Variants in MGAT4A observed in about 807,000 individuals in gnomAD.
The protein encoded by MGAT4A is N-acetylglucosaminyltransferase IVa.
In MGAT4A, 33 loss-of-function variants were observed where a neutral mutation model predicts 74.1. That is an observed-to-expected ratio of 0.45 (90% confidence interval 0.34 to 0.60). The LOEUF is 0.60. Among genes scored for constraint, MGAT4A ranks in the 20% least tolerant of loss-of-function variants. The pLI is 0.02. For synonymous variants in MGAT4A, 198 were observed against 210.4 expected (o/e 0.94, Z 0.51); for missense variants, 479 against 628.3 (o/e 0.76, Z 2.54).
intron 14 of MGAT4A, among the ~76,000 whole-genome samples, chr2:98,626,940 G>A (rs1302945459): frequency 6.6e-6 from 1 of 152,166 alleles, no homozygotes; most frequent in Non-Finnish European, 1.5e-5. Flanking sequence ...TGGGGCACAT[G>A]CATCCCTTGG....
intron 4 of MGAT4A, among the ~76,000 whole-genome samples, chr2:98,670,008 T>C (rs1701891513): frequency 1.3e-5 from 2 of 152,194 alleles, no homozygotes; most frequent in South Asian, 4.1e-4. Context: ...AATAAACATT[T>C]GTTATCTCAA....
chr2:98,637,899 C>T (rs888882151), intron 12 of MGAT4A, among the ~76,000 whole-genome samples: 9 of 152,080 alleles, frequency 5.9e-5, no homozygotes, highest in Admixed American at 3.9e-4. Flanking sequence ...ACAGTTACAG[C>T]GGTGGGCCAG....
chr2:98,666,175 T>C (rs1432831218), intron 4 of MGAT4A, among the ~76,000 whole-genome samples: 2 of 152,056 alleles, frequency 1.3e-5, no homozygotes, highest in Non-Finnish European at 2.9e-5. Context: ...GAGGTGGAGA[T>C]GAGTGGATGA....
chr2:98,730,863 T>C, intron 1 of MGAT4A, among the ~76,000 whole-genome samples, 185 bp downstream of exon 1: 1 of 127,616 alleles, frequency 7.8e-6, no homozygotes, highest in African/African-American at 3.0e-5. Flanking sequence ...CGCCAACAGC[T>C]CCCCCGCACA....
At chr2:98,682,041 T>C (rs1291955651) in intron 2 of MGAT4A, among the ~76,000 whole-genome samples, 5 of 151,936 alleles carry the variant, frequency 3.3e-5, no homozygotes, top group African/African-American at 1.2e-4. Flanking sequence ...CAACAATAAA[T>C]AAATAAAAAA....
At chr2:98,636,472 TA>T (rs745891971) in intron 13 of MGAT4A, 44 bp downstream of exon 13, 34 of 1,388,242 alleles carry the variant, frequency 2.4e-5, no homozygotes, top group Non-Finnish European at 3.3e-5. Context: ...CTAAGTCTAC[TA>T]GTATTAGTTG....
chr2:98,668,847 T>C (rs1468160653), intron 4 of MGAT4A, among the ~76,000 whole-genome samples: 1 of 152,232 alleles, frequency 6.6e-6, no homozygotes, highest in Non-Finnish European at 1.5e-5. Flanking sequence ...AGAAATCATT[T>C]TGGAACTTTG....
intron 14 of MGAT4A, among the ~76,000 whole-genome samples, chr2:98,626,284 A>G (rs187389392): frequency 6.6e-6 from 1 of 152,320 alleles, no homozygotes; most frequent in African/African-American, 2.4e-5. Flanking sequence ...GGGACTCAAT[A>G]CAAGTGTATT....
At chr2:98,694,388 G>A (rs142363728) in intron 2 of MGAT4A, 1 of 153,660 alleles carries the variant, frequency 6.5e-6, no homozygotes, top group African/African-American at 2.4e-5. Context: ...GGAATTTTTG[G>A]ATACACCATG....
intron 2 of MGAT4A, among the ~76,000 whole-genome samples, chr2:98,724,460 G>A (rs894233217): frequency 1.3e-5 from 2 of 152,192 alleles, no homozygotes; most frequent in Non-Finnish European, 2.9e-5. Context: ...AGAAACCTGT[G>A]TTGATACCTG....
chr2:98,663,186 A>C lies in MGAT4A; in HGVS notation c.404-7T>G. 3 of 1,567,874 alleles carry C rather than the reference A, an allele frequency of 1.9e-6. No homozygotes were observed. The highest frequency in any genetic ancestry group is 2.6e-6 in the Non-Finnish European group (3 of 1,160,354). On this transcript the variant is annotated splice_region_variant and splice_polypyrimidine_tract_variant and intron_variant, in intron 4 of 15. Coordinates refer to ENST00000393487, the MANE Select transcript of MGAT4A (RefSeq NM_012214.3). The stretch of plus-strand genomic sequence containing the variant: ...ATGCCCATGACTATTGAAACTGGAA[A>C]AAAAAATAGTAATTATATTAAAAAA...
chr2:98,666,671 C>T (rs577817231), intron 4 of MGAT4A, among the ~76,000 whole-genome samples: 8 of 150,614 alleles, frequency 5.3e-5, no homozygotes, highest in Admixed American at 2.0e-4. Flanking sequence ...CCAGCCTGGG[C>T]GACAGAGCAA....
chr2:98,625,649 G>T (rs1367224353), intron 15 of MGAT4A, 57 bp from the exon 16 acceptor site: 1 of 1,561,018 alleles, frequency 6.4e-7, no homozygotes, highest in East Asian at 2.3e-5. Context: ...ATTCCAAAAA[G>T]GCCTTAAATA....
At position 98,621,479 on chromosome 2, in the gene MGAT4A, C is replaced by G. The variant is rs1033855025; in HGVS notation, c.*4087G>C. 2 of 1,551,568 alleles carry G rather than the reference C, an allele frequency of 1.3e-6. No individual in the cohort carries two copies. Among genetic ancestry groups the G allele is most frequent in the African/African-American group, 2.7e-5 (2 of 73,054 alleles). Reference sequence around the variant, plus strand: ...GTCCTTCTGCTTTGTCTCTTGACTTCTGCCACCAGCCCGAGAAAACTCTCT... The same window carrying G: ...GTCCTTCTGCTTTGTCTCTTGACTTGTGCCACCAGCCCGAGAAAACTCTCT... On this transcript the variant is annotated 3_prime_UTR_variant, in exon 16 of 16. Transcript: ENST00000393487.
chr2:98,619,635 T>C lies in MGAT4A; in HGVS notation c.*5931A>G, dbSNP rs1355223529. Reference sequence around the variant, plus strand: ...GCAGTGCATCTTACAGTACTGTCGATAGCAGCCATTTTTAAGGCTCAGAGA... The same window carrying C: ...GCAGTGCATCTTACAGTACTGTCGACAGCAGCCATTTTTAAGGCTCAGAGA... On this transcript the variant is annotated 3_prime_UTR_variant, in exon 16 of 16. Transcript: ENST00000393487. The C allele has an allele frequency of 1.3e-5, 2 of 152,254 alleles. No homozygotes were observed. Among genetic ancestry groups the C allele is most frequent in the Non-Finnish European group, 2.9e-5 (2 of 68,040 alleles). 9.4% of individuals were successfully genotyped at this position (152,254 alleles called of 1,614,324 possible).
At chr2:98,693,080 C>T (rs1575271695) in intron 2 of MGAT4A, among the ~76,000 whole-genome samples, 1 of 152,120 alleles carries the variant, frequency 6.6e-6, no homozygotes, top group East Asian at 1.9e-4. Flanking sequence ...ACATGACCTA[C>T]TGGGGAAAAG....
At position 98,625,442 on chromosome 2, in the gene MGAT4A, A is replaced by G; in HGVS notation, c.*124T>C. On this transcript the variant is annotated 3_prime_UTR_variant, in exon 16 of 16. Transcript: ENST00000393487. ...GATTCACTTTCCAAGTGGAAATGAC[A>G]ATCGTCTTATCTACAGTAGACTTCA... 2 of 1,492,792 alleles carry G rather than the reference A, an allele frequency of 1.3e-6. No homozygotes were observed. The highest frequency in any genetic ancestry group is 1.8e-6 in the Non-Finnish European group (2 of 1,125,630). 92.5% of individuals were successfully genotyped at this position (1,492,792 alleles called of 1,614,324 possible).
At chr2:98,650,161 C>G (rs1701556678) in intron 8 of MGAT4A, among the ~76,000 whole-genome samples, 1 of 152,104 alleles carries the variant, frequency 6.6e-6, no homozygotes, top group South Asian at 2.1e-4. Context: ...AAGGACTAAA[C>G]AGCAGACCTG....
At chr2:98,654,121 T>TA (rs35866907) in intron 8 of MGAT4A, among the ~76,000 whole-genome samples, 4 of 151,864 alleles carry the variant, frequency 2.6e-5, no homozygotes, top group South Asian at 4.2e-4. Context: ...CTTTCTTGAT[T>TA]AAAAAAAATG....
Sources: gnomAD v4.1 joint callset for allele counts (sites outside exome capture counted in the v4.1 genomes callset) on GRCh38, gnomAD v4.1.1 for gene constraint, MANE v1.5 for transcripts, NCBI Gene and HGNC (gene_info 2026-07-23, HGNC 2026-07-21) for gene names.